The following FH variants were observed in gnomAD, a reference collection of about 807,000 sequenced individuals.
FH encodes the protein fumarate hydratase, also known as fumarate hydratase, mitochondrial.
FH carries 22 observed loss-of-function variants against 49.4 expected under a neutral mutation model. The observed-to-expected ratio is 0.45, with a 90% CI of 0.32 to 0.64. The LOEUF (loss-of-function observed/expected upper bound fraction) is 0.64. Ranked by LOEUF, FH falls within the 30% of genes least tolerant of loss-of-function variation. The pLI is 0.05. For synonymous variants in FH, 208 were observed against 223.0 expected (o/e 0.93, Z 0.60); for missense variants, 526 against 641.5 (o/e 0.82, Z 1.95).
intron 2 of FH, among the ~76,000 whole-genome samples, chr1:241,514,795 C>T (rs957581484): frequency 2.6e-5 from 4 of 152,084 alleles, no homozygotes; most frequent in Admixed American, 6.5e-5. Context: ...TTGACTCAAA[C>T]GAAATGAGGA....
intron 2 of FH, among the ~76,000 whole-genome samples, chr1:241,514,026 C>A (rs765190210): frequency 6.6e-5 from 10 of 152,112 alleles, no homozygotes; most frequent in Non-Finnish European, 1.0e-4. Context: ...TGCACAAATA[C>A]ACACAATAAA....
At chr1:241,511,931 T>C (rs1660093623) in intron 4 of FH, 36 bp downstream of exon 4, 1 of 1,609,106 alleles carries the variant, frequency 6.2e-7, no homozygotes, top group African/African-American at 1.3e-5. Flanking sequence ...TGCTTTTCAA[T>C]TTATAACCAA....
chr1:241,503,501 T>C (rs769913920), intron 7 of FH, among the ~76,000 whole-genome samples: 3 of 152,208 alleles, frequency 2.0e-5, no homozygotes, highest in Admixed American at 6.5e-5. Context: ...CAGTAAAGTG[T>C]TGAAGGGCAG....
chr1:241,515,092 T>TC (rs751615439), intron 2 of FH, among the ~76,000 whole-genome samples: 2 of 152,248 alleles, frequency 1.3e-5, no homozygotes, highest in Non-Finnish European at 2.9e-5. Flanking sequence ...CTTAATTTAT[T>TC]CACATTAGAT....
intron 8 of FH, among the ~76,000 whole-genome samples, chr1:241,500,884 T>C (rs1198373517): frequency 2.0e-5 from 3 of 152,056 alleles, no homozygotes. Flanking sequence ...AGGTCTGAAG[T>C]GTTAGAGACC....
chr1:241,502,304 T>C, intron 8 of FH, 139 bp downstream of exon 8: 1 of 910,512 alleles, frequency 1.1e-6, no homozygotes. Flanking sequence ...TTCTGGTAAC[T>C]TAATAAATGC....
chr1:241,508,690 A>G lies in FH; in HGVS notation c.651T>C (p.Ala217=). The G allele has an allele frequency of 6.2e-7, 1 of 1,613,746 alleles. No individual in the cohort carries two copies. Among genetic ancestry groups the G allele is most frequent in the Non-Finnish European group, 8.5e-7 (1 of 1,179,660 alleles). The change falls in exon 5 of 10, where the codon GCT becomes GCC. Residue 217 remains alanine (A), a synonymous_variant. Transcript: ENST00000366560. ...LLPGLQKLHD[A]LDAKSKEFAQ... ...CAAACTCTTTGGATTTTGCATCAAG[A>G]GCATCATGTAACTTCTGTAGTCCTG...
chr1:241,502,490 C>T lies in FH; in HGVS notation c.1189G>A (p.Gly397Arg), dbSNP rs863224007. ...VMGNHVAVTV[G>R]GSNGHFELNV... Reference sequence around the variant, plus strand: ...AACTCAAAATGTCCATTGCTGCCTCCGACAGTGACAGCAACATGGTTCCCC... The same window carrying T: ...AACTCAAAATGTCCATTGCTGCCTCTGACAGTGACAGCAACATGGTTCCCC... Residue 397 changes from glycine to arginine, a missense_variant, in exon 8 of 10, where the codon GGA becomes AGA. By Grantham distance (125) the Gly-to-Arg change is moderately radical. Around this residue, in one of 2 missense-constraint regions of FH, gnomAD observed 383 missense variants for 514.0 expected, o/e 0.75. Coordinates refer to ENST00000366560, the MANE Select transcript of FH (RefSeq NM_000143.4). The T allele has an allele frequency of 6.2e-6, 10 of 1,613,636 alleles. No homozygotes were observed. The highest frequency in any genetic ancestry group is 1.3e-5 in the African/African-American group (1 of 74,888).
chr1:241,504,164 T>C lies in FH; in HGVS notation c.986A>G (p.Asn329Ser), dbSNP rs768483509. Residue 329 changes from asparagine to serine, a missense_variant, in exon 7 of 10, where the codon AAC becomes AGC. This residue lies in a region of FH where 383 missense variants were observed against 514.0 expected (regional missense o/e 0.75). Coordinates refer to ENST00000366560, the MANE Select transcript of FH (RefSeq NM_000143.4). The part of the protein sequence containing the change: ...DALVELSGAM[N>S]TTACSLMKIA... ...CTTCATCAGACTGCAGGCAGTAGTG[T>C]TCATGGCTCCACTGAGCTCAACCAG... is the stretch of plus-strand genomic sequence containing the variant. The C allele has an allele frequency of 8.1e-6, 13 of 1,614,116 alleles. No homozygotes were observed. Among genetic ancestry groups the C allele is most frequent in the Middle Eastern group, 1.6e-4 (1 of 6,084 alleles).
At position 241,508,657 on chromosome 1, in the gene FH, G is replaced by A. The variant is rs1384151924; in HGVS notation, c.684C>T (p.Ile228=). Residue 228 remains isoleucine, a synonymous_variant, in exon 5 of 10, where the codon ATC becomes ATT. Transcript: ENST00000366560. ...LDAKSKEFAQ[I]IKIGRTHTQD... ...GAGTATGAGTACGTCCAATCTTGATGATCTGTGCAAACTCTTTGGATTTTG... is the reference window on the plus strand; with the variant it reads ...GAGTATGAGTACGTCCAATCTTGATAATCTGTGCAAACTCTTTGGATTTTG... The A allele has an allele frequency of 1.2e-6, 2 of 1,613,724 alleles. No individual in the cohort carries two copies. The highest frequency in any genetic ancestry group is 3.3e-5 in the Admixed American group (2 of 59,986).
At chr1:241,512,169 T>C (rs1017780658) in intron 3 of FH, 26 bp from the exon 4 acceptor site, 4 of 1,603,088 alleles carry the variant, frequency 2.5e-6, no homozygotes, top group African/African-American at 1.3e-5. Flanking sequence ...TAAAAATGTA[T>C]TTTAAAAAAG....
At chr1:241,503,535 T>C (rs1443391874) in intron 7 of FH, among the ~76,000 whole-genome samples, 1 of 152,210 alleles carries the variant, frequency 6.6e-6, no homozygotes, top group Non-Finnish European at 1.5e-5. Context: ...GTTACCAATA[T>C]ATTCTTCTAG....
intron 5 of FH, among the ~76,000 whole-genome samples, chr1:241,507,742 T>C (rs932467364): frequency 2.6e-5 from 4 of 152,196 alleles, no homozygotes; most frequent in Admixed American, 2.0e-4. Context: ...TGGTCCTAAG[T>C]ACTAATGATG....
In FH at chr1:241,519,676, C is replaced by T. The variant is rs762310232; in HGVS notation, c.47G>A (p.Arg16Gln). The change falls in exon 1 of 10, where the codon CGG (arginine) becomes CAG (glutamine). Residue 16 changes from arginine (R) to glutamine (Q), a missense_variant. Coordinates refer to ENST00000366560, the MANE Select transcript of FH (RefSeq NM_000143.4). Reference protein sequence around the residue: ...RLLARSRPLVRAPAAALASAP... With the variant: ...RLLARSRPLVQAPAAALASAP... ...CGAAGCTAAGGCTGCGGCTGGAGCC[C>T]GCACGAGGGGACGCGAGCGCGCGAG... 15 of 1,547,488 alleles carry T rather than the reference C, an allele frequency of 9.7e-6. No homozygotes were observed. Among genetic ancestry groups the T allele is most frequent in the Non-Finnish European group, 1.2e-5 (14 of 1,146,182 alleles).
intron 4 of FH, among the ~76,000 whole-genome samples, chr1:241,510,440 T>C (rs967128640): frequency 6.6e-6 from 1 of 152,128 alleles, no homozygotes; most frequent in African/African-American, 2.4e-5. Context: ...TATGGGATCA[T>C]AACCTGAAGA....
At chr1:241,516,758 T>G (rs1660224026) in intron 2 of FH, among the ~76,000 whole-genome samples, 1 of 151,952 alleles carries the variant, frequency 6.6e-6, no homozygotes, top group South Asian at 2.1e-4. Context: ...GTTCAAGCAA[T>G]TCTCCTGTCT....
At chr1:241,510,403 G>T (rs1020464055) in intron 4 of FH, among the ~76,000 whole-genome samples, 1 of 152,074 alleles carries the variant, frequency 6.6e-6, no homozygotes, top group Non-Finnish European at 1.5e-5. Context: ...AGAGCTGAAA[G>T]AATTTAAGCA....
chr1:241,515,994 G>C (rs932829083), intron 2 of FH, among the ~76,000 whole-genome samples: 4 of 152,054 alleles, frequency 2.6e-5, no homozygotes, highest in African/African-American at 9.7e-5. Context: ...TTATATGTCA[G>C]ACATGGTTAA....
intron 8 of FH, 116 bp from the exon 9 acceptor site, chr1:241,500,706 A>G: frequency 7.2e-7 from 1 of 1,383,128 alleles, no homozygotes; most frequent in Non-Finnish European, 9.9e-7. Context: ...TAAATATACA[A>G]TTCAATAAAC....
Sources: gnomAD v4.1 joint callset for allele counts (sites outside exome capture counted in the v4.1 genomes callset) on GRCh38, gnomAD v4.1.1 for gene constraint, gnomAD v4.1.1 regional missense constraint, MANE v1.5 for transcripts, NCBI Gene and HGNC (gene_info 2026-07-23, HGNC 2026-07-21) for gene names.